ANO3: variants seen among roughly 807,000 people sequenced by gnomAD.
ANO3 encodes the protein anoctamin-3.
In ANO3, 99 loss-of-function variants were observed where a neutral mutation model predicts 144.8. The ratio of observed to expected loss-of-function variants is 0.68; its 90% CI spans 0.58 to 0.81. ANO3 has a LOEUF of 0.81. Among genes scored for constraint, ANO3 ranks in the 30% least tolerant of loss-of-function variants. The probability of loss-of-function intolerance (pLI) is 0.00; values close to 1 mark genes in which losing one functional copy is unlikely to be tolerated. For missense variants in ANO3, 905 were observed against 1,202.2 expected, an observed-to-expected ratio of 0.75 and a Z score of 3.66; for synonymous variants, 414 against 392.6, an observed-to-expected ratio of 1.05 and a Z score of -0.64.
intron 1 of ANO3, among the ~76,000 whole-genome samples, chr11:26,296,796 C>T (rs78674345): frequency 0.043 from 6,613 of 152,140 alleles, 481 homozygotes; most frequent in African/African-American, 0.15. Flanking sequence ...AATATATCAG[C>T]GAAGGAGACA....
At chr11:26,299,749 G>T (rs73441526) in intron 1 of ANO3, among the ~76,000 whole-genome samples, 9,345 of 152,144 alleles carry the variant, frequency 0.061, 543 homozygotes, top group African/African-American at 0.15. Context: ...TGAAGTAGGA[G>T]TGAGGGATAG....
chr11:26,331,786 C>T (rs1855049364), upstream of ANO3: 1 of 155,226 alleles, frequency 6.4e-6, no homozygotes, highest in South Asian at 2.0e-4. Context: ...AGAAACGTCT[C>T]TGCATCTGCC....
intron 3 of ANO3, among the ~76,000 whole-genome samples, chr11:26,450,364 G>A (rs528186485): frequency 1.2e-3 from 186 of 152,264 alleles, no homozygotes; most frequent in African/African-American, 4.3e-3. Flanking sequence ...AGCTCTGTCA[G>A]TACCCTCATT....
chr11:26,581,994 G>A (rs947523451), intron 14 of ANO3, among the ~76,000 whole-genome samples: 6 of 152,114 alleles, frequency 3.9e-5, no homozygotes, highest in Non-Finnish European at 8.8e-5. Context: ...CTTACAAATT[G>A]TCTCTCAATT....
rs1237843448 is a variant in ANO3 at position 26,533,023 on chromosome 11, TCTC to T, written c.870-1430_870-1428del. Among the ~76,000 whole-genome samples, 6 of 152,122 alleles carry T rather than the reference TCTC, an allele frequency of 3.9e-5. No homozygotes were observed. The South Asian group carries it at 1.0e-3, about 26-fold the overall frequency. ...GGGAAAGAGGCAGGTGGACATTCCT[TCTC>T]CTACCTACAATTAACAGGACTCTGA... On this transcript the variant is annotated intron_variant, in intron 8 of 26. Coordinates refer to ENST00000256737, the MANE Select transcript of ANO3 (RefSeq NM_031418.4).
At chr11:26,575,750 CAT>C (rs1850969221) in intron 14 of ANO3, among the ~76,000 whole-genome samples, 1 of 152,128 alleles carries the variant, frequency 6.6e-6, no homozygotes. Context: ...GTAAATCAGA[CAT>C]TTTCAATAAT....
intron 24 of ANO3, among the ~76,000 whole-genome samples, chr11:26,652,596 T>TA (rs757832728): frequency 5.6e-4 from 86 of 152,322 alleles, no homozygotes; most frequent in Non-Finnish European, 1.2e-3. Flanking sequence ...ATTTTGCCTC[T>TA]ATTTACATTT....
At chr11:26,606,565 T>C (rs904285357) in intron 17 of ANO3, among the ~76,000 whole-genome samples, 5 of 151,946 alleles carry the variant, frequency 3.3e-5, no homozygotes, top group African/African-American at 1.2e-4. Flanking sequence ...GTTTAAAGTC[T>C]GTTTTATCGG....
chr11:26,479,584 C>G (rs531169242), intron 4 of ANO3, among the ~76,000 whole-genome samples: 2 of 152,068 alleles, frequency 1.3e-5, no homozygotes, highest in East Asian at 1.9e-4. Flanking sequence ...TTCACTACCA[C>G]GAGAACAGCA....
At chr11:26,406,281 A>T (rs1857275090) in intron 1 of ANO3, among the ~76,000 whole-genome samples, 1 of 151,796 alleles carries the variant, frequency 6.6e-6, no homozygotes, top group South Asian at 2.1e-4. Flanking sequence ...GAGCCCTTTG[A>T]TAATGGTGCT....
intron 1 of ANO3, among the ~76,000 whole-genome samples, chr11:26,266,897 C>T (rs1323593723): frequency 4.0e-5 from 6 of 150,038 alleles, no homozygotes; most frequent in Non-Finnish European, 8.9e-5. Flanking sequence ...CTGGCTAACA[C>T]GGTGAAACCC....
intron 3 of ANO3, among the ~76,000 whole-genome samples, chr11:26,462,557 A>G (rs1859444451): frequency 6.6e-6 from 1 of 151,668 alleles, no homozygotes; most frequent in Non-Finnish European, 1.5e-5. Context: ...TGTAATGTTT[A>G]TTAAGATATT....
chr11:26,575,499 G>A (rs920611103), intron 14 of ANO3, among the ~76,000 whole-genome samples: 2 of 151,900 alleles, frequency 1.3e-5, no homozygotes, highest in African/African-American at 4.8e-5. Flanking sequence ...TTTTGCAACA[G>A]ATTAGTGCTT....
intron 1 of ANO3, among the ~76,000 whole-genome samples, chr11:26,261,479 C>A (rs139558118): frequency 2.0e-5 from 3 of 152,154 alleles, no homozygotes; most frequent in Admixed American, 2.0e-4. Flanking sequence ...GATCAATGCC[C>A]TGTTTATTTT....
At chr11:26,377,907 T>C (rs189851808) in intron 1 of ANO3, among the ~76,000 whole-genome samples, 1 of 152,208 alleles carries the variant, frequency 6.6e-6, no homozygotes, top group East Asian at 1.9e-4. Context: ...CCATGCAGAA[T>C]TGCATACTTT....
At chr11:26,532,338 C>T (rs1466222730) in intron 8 of ANO3, among the ~76,000 whole-genome samples, 1 of 152,132 alleles carries the variant, frequency 6.6e-6, no homozygotes, top group East Asian at 1.9e-4. Context: ...GAAGCTTTTT[C>T]AGCTTTTTGC....
intron 1 of ANO3, among the ~76,000 whole-genome samples, chr11:26,190,660 CTT>C (rs1477307919): frequency 6.6e-6 from 1 of 152,128 alleles, no homozygotes; most frequent in African/African-American, 2.4e-5. Flanking sequence ...CAACTATTGT[CTT>C]TATGCCGTTA....
chr11:26,561,089 TA>T, intron 14 of ANO3: 1 of 1,611,644 alleles, frequency 6.2e-7, no homozygotes, highest in Non-Finnish European at 8.5e-7. Context: ...GAAGTGGAGG[TA>T]TGTCATCCAT....
At chr11:26,622,531 A>G (rs1852449604) in intron 17 of ANO3, among the ~76,000 whole-genome samples, 1 of 152,102 alleles carries the variant, frequency 6.6e-6, no homozygotes, top group African/African-American at 2.4e-5. Flanking sequence ...ACCTGAGCCA[A>G]GGAAGTTTAG....
Sources: gnomAD v4.1 joint callset for allele counts (sites outside exome capture counted in the v4.1 genomes callset) on GRCh38, gnomAD v4.1.1 for gene constraint, MANE v1.5 for transcripts, NCBI Gene and HGNC (gene_info 2026-07-23, HGNC 2026-07-21) for gene names.